PLAAT1: variants seen among roughly 807,000 people sequenced by gnomAD.
PLAAT1 encodes H-REV107 protein-related protein.
PLAAT1 carries 13 observed loss-of-function variants against 16.4 expected under a neutral mutation model. That is an observed-to-expected ratio of 0.79 (90% CI 0.52 to 1.26). The LOEUF (loss-of-function observed/expected upper bound fraction) is 1.26. PLAAT1 is among the 50% of genes most tolerant of loss of function. The pLI, the probability that PLAAT1 is intolerant of heterozygous loss-of-function variation, is 0.00. For missense variants in PLAAT1, 218 were observed against 207.8 expected, an observed-to-expected ratio of 1.05 and a Z score of -0.30; for synonymous variants, 73 against 78.4, an observed-to-expected ratio of 0.93 and a Z score of 0.36.
intron 3 of PLAAT1, among the ~76,000 whole-genome samples, chr3:193,269,215 G>C (rs1368066525): frequency 6.6e-6 from 1 of 152,048 alleles, no homozygotes. Context: ...TTTAGGTAAG[G>C]ATTAAAATAT....
chr3:193,274,924 A>G, downstream of PLAAT1: 1 of 1,399,842 alleles, frequency 7.1e-7, no homozygotes, highest in Non-Finnish European at 9.8e-7. Context: ...TTGAAAATAT[A>G]CTTTGAATGC....
chr3:193,257,473 T>C lies in PLAAT1; in HGVS notation c.139+1684T>C, dbSNP rs186221134. 2.6e-5 allele frequency among the ~76,000 whole-genome samples: 4 copies of C among 152,220 alleles called. No homozygotes were observed. The East Asian group carries it at 7.7e-4, about 29-fold the overall frequency. On this transcript the variant is annotated intron_variant, in intron 2 of 3. Coordinates refer to ENST00000264735, the MANE Select transcript of PLAAT1 (RefSeq NM_020386.5). ...ACCACATGCTTAGTCATAAAGCAAG[T>C]CTCAATAAAGTCAAAAAAACTGAAA...
At chr3:193,253,044 A>G (rs1210203549) in intron 1 of PLAAT1, among the ~76,000 whole-genome samples, 1 of 152,006 alleles carries the variant, frequency 6.6e-6, no homozygotes, top group African/African-American at 2.4e-5. Context: ...TTATATTTTT[A>G]TGGTTCTATT....
At chr3:193,272,754 T>C (rs1490393183), downstream of PLAAT1, among the ~76,000 whole-genome samples, 1 of 152,222 alleles carries the variant, frequency 6.6e-6, no homozygotes, top group Non-Finnish European at 1.5e-5. Context: ...TTAAATTAAA[T>C]TCATGGATTC....
chr3:193,244,409 ATGT>A (rs1387534557), intron 1 of PLAAT1, among the ~76,000 whole-genome samples: 1 of 151,698 alleles, frequency 6.6e-6, no homozygotes, highest in Non-Finnish European at 1.5e-5. Flanking sequence ...TCAACATTTG[ATGT>A]TGTCACTGTT....
At chr3:193,243,519 T>A (rs1025902745) in intron 1 of PLAAT1, among the ~76,000 whole-genome samples, 3 of 152,248 alleles carry the variant, frequency 2.0e-5, no homozygotes, top group Admixed American at 6.5e-5. Flanking sequence ...TGGTGTTATA[T>A]GAAATATGTA....
chr3:193,243,151 T>A (rs917186009), intron 1 of PLAAT1, among the ~76,000 whole-genome samples: 4 of 152,224 alleles, frequency 2.6e-5, no homozygotes, highest in Non-Finnish European at 5.9e-5. Flanking sequence ...ATGCCACTCT[T>A]TATTATAAAC....
intron 2 of PLAAT1, chr3:193,276,831 C>G (rs1264185782): frequency 6.2e-7 from 1 of 1,611,562 alleles, no homozygotes; most frequent in East Asian, 2.2e-5. Context: ...TTGGGATCAA[C>G]TGTTGAAAAA....
chr3:193,276,786 T>C (rs755983312), intron 2 of PLAAT1: 1 of 1,613,620 alleles, frequency 6.2e-7, no homozygotes, highest in Non-Finnish European at 8.5e-7. Flanking sequence ...GGGTGAGGGC[T>C]ACCACCAAAA....
In PLAAT1 at chr3:193,245,278, G is replaced by A. The variant is rs555731162; in HGVS notation, c.-1+3745G>A. Among the ~76,000 whole-genome samples, 113 of 152,076 alleles carry A rather than the reference G, an allele frequency of 7.4e-4. 2 individuals are homozygous for A. The highest frequency in any genetic ancestry group is 2.0e-3 in the African/African-American group (81 of 41,460). On this transcript the variant is annotated intron_variant, in intron 1 of 3. Coordinates refer to ENST00000264735, the MANE Select transcript of PLAAT1 (RefSeq NM_020386.5). ...AGGTCAGCGTTTTTAGATTTCACAC[G>A]TGAGATCATACTGTATTTCTCTTAC...
At chr3:193,262,055 T>G (rs1716604076) in intron 2 of PLAAT1, among the ~76,000 whole-genome samples, 1 of 152,206 alleles carries the variant, frequency 6.6e-6, no homozygotes, top group Admixed American at 6.5e-5. Context: ...TCTCTCATGA[T>G]TGACCTGAAC....
chr3:193,244,399 T>C (rs1715900153), intron 1 of PLAAT1, among the ~76,000 whole-genome samples: 1 of 152,056 alleles, frequency 6.6e-6, no homozygotes, highest in Admixed American at 6.5e-5. Flanking sequence ...TGCATCATTG[T>C]CAACATTTGA....
intron 3 of PLAAT1, among the ~76,000 whole-genome samples, chr3:193,265,667 GT>G (rs1267654417): frequency 6.6e-6 from 1 of 151,158 alleles, no homozygotes; most frequent in Non-Finnish European, 1.5e-5. Context: ...AAATAAAAAG[GT>G]TTGGGAAAAT....
downstream of PLAAT1, among the ~76,000 whole-genome samples, chr3:193,272,604 C>T (rs1025191871): frequency 1.2e-4 from 18 of 152,198 alleles, no homozygotes; most frequent in Non-Finnish European, 2.2e-4. Context: ...GGAATTACTA[C>T]ACCCACCAGT....
At chr3:193,247,138 A>G (rs1035476733) in intron 1 of PLAAT1, among the ~76,000 whole-genome samples, 1 of 152,126 alleles carries the variant, frequency 6.6e-6, no homozygotes, top group Non-Finnish European at 1.5e-5. Flanking sequence ...ATTTCTTGGT[A>G]TTTAGCTGTT....
chr3:193,252,520 A>T (rs1021807967), intron 1 of PLAAT1, among the ~76,000 whole-genome samples: 10 of 152,188 alleles, frequency 6.6e-5, no homozygotes, highest in Non-Finnish European at 1.0e-4. Flanking sequence ...TTTTCATCTT[A>T]ACAGGATCTT....
At chr3:193,257,635 T>C (rs1439107725) in intron 2 of PLAAT1, among the ~76,000 whole-genome samples, 1 of 152,162 alleles carries the variant, frequency 6.6e-6, no homozygotes, top group African/African-American at 2.4e-5. Context: ...TAATATCTAG[T>C]GTCAACATGA....
At chr3:193,261,467 T>G (rs1716582305) in intron 2 of PLAAT1, among the ~76,000 whole-genome samples, 1 of 152,198 alleles carries the variant, frequency 6.6e-6, no homozygotes. Context: ...TTTATTATCT[T>G]GGGAACTTCT....
At chr3:193,253,559 G>A (rs1716270070) in intron 1 of PLAAT1, among the ~76,000 whole-genome samples, 1 of 152,018 alleles carries the variant, frequency 6.6e-6, no homozygotes. Context: ...CTCCCTAAGG[G>A]TTACTTGCAG....
Sources: allele counts gnomAD v4.1 joint callset (sites outside exome capture counted in the v4.1 genomes callset), GRCh38; gene constraint gnomAD v4.1.1; transcripts MANE v1.5; gene names NCBI Gene and HGNC (gene_info 2026-07-23, HGNC 2026-07-21).